CTNNA3: variants seen among roughly 807,000 people sequenced by gnomAD.
CTNNA3 encodes the protein catenin alpha 3.
In CTNNA3, 76 loss-of-function variants were observed where a neutral mutation model predicts 95.7. The ratio of observed to expected loss-of-function variants is 0.79; its 90% CI spans 0.66 to 0.96. CTNNA3 has a LOEUF of 0.96. CTNNA3 is among the 40% of genes least tolerant of loss of function. CTNNA3 has a pLI of 0.00. For missense variants in CTNNA3, 1,191 were observed against 1,089.8 expected, an observed-to-expected ratio of 1.09 and a Z score of -1.31; for synonymous variants, 431 against 374.4, an observed-to-expected ratio of 1.15 and a Z score of -1.74.
At chr10:67,554,554 TC>T (rs1322480900) in intron 3 of CTNNA3, among the ~76,000 whole-genome samples, 1 of 152,248 alleles carries the variant, frequency 6.6e-6, no homozygotes, top group Non-Finnish European at 1.5e-5. Context: ...ATAAATGTCT[TC>T]TTTTGAGAAG....
chr10:66,572,105 G>A (rs58327738), intron 10 of CTNNA3, among the ~76,000 whole-genome samples: 3,324 of 152,116 alleles, frequency 0.022, 87 homozygotes, highest in African/African-American at 0.066. Flanking sequence ...ATATGAGGCC[G>A]GGAGTGGTGG....
At chr10:66,616,577 C>A (rs1277608607) in intron 10 of CTNNA3, among the ~76,000 whole-genome samples, 1 of 152,060 alleles carries the variant, frequency 6.6e-6, no homozygotes, top group African/African-American at 2.4e-5. Context: ...TAAATATGCT[C>A]CAAGTGACAA....
intron 5 of CTNNA3, among the ~76,000 whole-genome samples, chr10:67,375,733 G>A (rs1178852725): frequency 6.6e-6 from 1 of 152,100 alleles, no homozygotes; most frequent in African/African-American, 2.4e-5. Flanking sequence ...CATTGAAGGT[G>A]GTCAATGACT....
intron 7 of CTNNA3, among the ~76,000 whole-genome samples, chr10:66,891,677 GAA>G (rs1334757661): frequency 2.0e-5 from 3 of 152,116 alleles, no homozygotes; most frequent in Non-Finnish European, 4.4e-5. Flanking sequence ...AAGCAAGAAA[GAA>G]AGAGAGGGAA....
intron 5 of CTNNA3, among the ~76,000 whole-genome samples, chr10:67,434,166 CA>C (rs888786284): frequency 1.3e-5 from 2 of 151,942 alleles, no homozygotes; most frequent in Non-Finnish European, 2.9e-5. Context: ...ACAAAAGAGC[CA>C]CAGCTTTGGA....
intron 13 of CTNNA3, among the ~76,000 whole-genome samples, chr10:66,263,845 C>G (rs1300811235): frequency 2.0e-5 from 3 of 151,860 alleles, no homozygotes; most frequent in Non-Finnish European, 4.4e-5. Flanking sequence ...ATGCAATGAA[C>G]ATATTTTCTT....
At chr10:66,578,670 CT>C (rs1446936110) in intron 10 of CTNNA3, among the ~76,000 whole-genome samples, 1 of 151,958 alleles carries the variant, frequency 6.6e-6, no homozygotes, top group African/African-American at 2.4e-5. Context: ...ATAAACCCTA[CT>C]TGATCACCGT....
chr10:67,736,009 T>C (rs1372391256), intron 1 of CTNNA3, among the ~76,000 whole-genome samples: 1 of 152,220 alleles, frequency 6.6e-6, no homozygotes, highest in East Asian at 1.9e-4. Flanking sequence ...CATAGTAGCA[T>C]TATTTACAAC....
chr10:67,577,875 G>A (rs1414114207), intron 3 of CTNNA3, among the ~76,000 whole-genome samples: 3 of 150,514 alleles, frequency 2.0e-5, no homozygotes, highest in Non-Finnish European at 4.4e-5. Flanking sequence ...TTCAGTAGTG[G>A]ATGGCTGGAT....
chr10:65,965,770 T>C (rs1057248301), intron 17 of CTNNA3, among the ~76,000 whole-genome samples: 1 of 152,076 alleles, frequency 6.6e-6, no homozygotes, highest in African/African-American at 2.4e-5. Context: ...ATTAACTCAT[T>C]GAGGGACTGT....
At chr10:67,735,991 C>T (rs971305003) in intron 1 of CTNNA3, among the ~76,000 whole-genome samples, 1 of 152,044 alleles carries the variant, frequency 6.6e-6, no homozygotes, top group Non-Finnish European at 1.5e-5. Context: ...TACTTGCACA[C>T]CAATGTTCAT....
intron 7 of CTNNA3, among the ~76,000 whole-genome samples, chr10:67,180,110 C>A (rs181916803): frequency 6.6e-6 from 1 of 152,084 alleles, no homozygotes; most frequent in Non-Finnish European, 1.5e-5. Context: ...CTGTAAATAC[C>A]CTTCTGGTTC....
chr10:67,505,632 A>G (rs187568613), intron 5 of CTNNA3, among the ~76,000 whole-genome samples: 28 of 152,352 alleles, frequency 1.8e-4, no homozygotes, highest in African/African-American at 6.7e-4. Context: ...ATTCTTCAAA[A>G]TATTCTAAAC....
chr10:66,264,129 AC>A (rs2091086135), intron 13 of CTNNA3, among the ~76,000 whole-genome samples: 1 of 151,960 alleles, frequency 6.6e-6, no homozygotes, highest in Non-Finnish European at 1.5e-5. Flanking sequence ...AAAATCATAT[AC>A]CCAATGGCTG....
At chr10:66,061,723 T>C (rs1260569684) in intron 15 of CTNNA3, among the ~76,000 whole-genome samples, 1 of 152,060 alleles carries the variant, frequency 6.6e-6, no homozygotes, top group African/African-American at 2.4e-5. Flanking sequence ...TCCATTCTCA[T>C]GAACTTTCTC....
At chr10:67,015,475 A>G (rs1745866923) in intron 7 of CTNNA3, 1 of 152,126 alleles carries the variant, frequency 6.6e-6, no homozygotes, top group African/African-American at 2.4e-5. Flanking sequence ...CTCCTTCAGA[A>G]TTGTGTAGTA....
At chr10:66,326,793 G>C (rs1347144799) in intron 12 of CTNNA3, among the ~76,000 whole-genome samples, 2 of 151,818 alleles carry the variant, frequency 1.3e-5, no homozygotes, top group African/African-American at 2.4e-5. Flanking sequence ...TTCCTCTTTG[G>C]GGGGTAACAA....
intron 7 of CTNNA3, chr10:67,097,523 A>G (rs1858077645): frequency 6.9e-7 from 1 of 1,456,212 alleles, no homozygotes; most frequent in African/African-American, 1.4e-5. Context: ...TTCAGTCTCT[A>G]AATCTTTCCC....
chr10:66,539,873 T>C (rs1841787377), intron 10 of CTNNA3, among the ~76,000 whole-genome samples: 1 of 152,172 alleles, frequency 6.6e-6, no homozygotes, highest in Non-Finnish European at 1.5e-5. Flanking sequence ...CCCCAGGTTA[T>C]TCATAGGCAC....
Sources: gnomAD v4.1 joint callset for allele counts (sites outside exome capture counted in the v4.1 genomes callset) on GRCh38, gnomAD v4.1.1 for gene constraint, MANE v1.5 for transcripts, NCBI Gene and HGNC (gene_info 2026-07-23, HGNC 2026-07-21) for gene names.